Variants in LINGO2 observed in about 807,000 individuals in gnomAD.
LINGO2 encodes leucine rich repeat and Ig domain containing 2, also known as leucine-rich repeat and immunoglobulin-like domain-containing nogo receptor-interacting protein 2.
LINGO2 carries 14 observed loss-of-function variants against 30.6 expected under a neutral mutation model. The ratio of observed to expected loss-of-function variants is 0.46; its 90% CI spans 0.30 to 0.72. The LOEUF (loss-of-function observed/expected upper bound fraction) is 0.72. LINGO2 is among the 30% of genes least tolerant of loss of function. The probability of loss-of-function intolerance (pLI) is 0.07; values close to 1 mark genes in which losing one functional copy is unlikely to be tolerated. For synonymous variants in LINGO2, 317 were observed against 288.5 expected, an observed-to-expected ratio of 1.10 and a Z score of -1.00; for missense variants, 729 against 751.7, an observed-to-expected ratio of 0.97 and a Z score of 0.35.
At chr9:28,733,846 G>GA in the LINGO2 span, among the ~76,000 whole-genome samples, 130 of 148,536 alleles carry the variant, frequency 8.8e-4, no homozygotes, top group East Asian at 0.016. Context: ...CATTGGCCAA[G>GA]AAAAAAAAAA....
chr9:27,996,482 C>T (rs1217178095), intron 5 of LINGO2, among the ~76,000 whole-genome samples: 1 of 152,080 alleles, frequency 6.6e-6, no homozygotes, highest in Non-Finnish European at 1.5e-5. Context: ...TTTGCAGTAA[C>T]ATAGATGGAA....
intron 1 of LINGO2, among the ~76,000 whole-genome samples, chr9:28,645,049 T>C (rs1306697422): frequency 6.6e-6 from 1 of 152,092 alleles, no homozygotes; most frequent in Admixed American, 6.6e-5. Context: ...GAGTATCTGT[T>C]AGTTTGATAA....
At chr9:28,785,512 T>G in the LINGO2 span, among the ~76,000 whole-genome samples, 3 of 152,198 alleles carry the variant, frequency 2.0e-5, no homozygotes, top group African/African-American at 7.2e-5. Context: ...TTTTCTCCTC[T>G]CACTAGACTG....
At chr9:28,483,331 A>G (rs1447063406) in intron 1 of LINGO2, among the ~76,000 whole-genome samples, 2 of 152,042 alleles carry the variant, frequency 1.3e-5, no homozygotes, top group Admixed American at 6.6e-5. Context: ...GGATCAAACT[A>G]AATGAGTTCC....
intron 2 of LINGO2, among the ~76,000 whole-genome samples, chr9:28,418,079 C>G (rs1470242146): frequency 6.6e-6 from 1 of 152,056 alleles, no homozygotes; most frequent in African/African-American, 2.4e-5. Flanking sequence ...CAGTGGATAA[C>G]TACTATTTTT....
the LINGO2 span, among the ~76,000 whole-genome samples, chr9:29,119,357 G>A: frequency 1.5e-5 from 2 of 130,340 alleles, no homozygotes; most frequent in African/African-American, 2.9e-5. Context: ...ATGCATGCAC[G>A]TGTGCGCGCA....
chr9:29,142,518 A>T, the LINGO2 span, among the ~76,000 whole-genome samples: 1 of 151,896 alleles, frequency 6.6e-6, no homozygotes, highest in Non-Finnish European at 1.5e-5. Context: ...AAACTAATTC[A>T]GTTCAAAATT....
chr9:28,454,090 T>G (rs946767844), intron 2 of LINGO2, among the ~76,000 whole-genome samples: 2 of 151,964 alleles, frequency 1.3e-5, no homozygotes, highest in Admixed American at 1.3e-4. Flanking sequence ...TCACTGTAAA[T>G]AGAGAACAAC....
intron 4 of LINGO2, among the ~76,000 whole-genome samples, chr9:28,180,149 T>C (rs1828871599): frequency 6.6e-6 from 1 of 152,158 alleles, no homozygotes; most frequent in African/African-American, 2.4e-5. Flanking sequence ...ATAGCTTTCC[T>C]GTAAACCATA....
At chr9:28,661,867 G>T (rs1828597707) in intron 1 of LINGO2, among the ~76,000 whole-genome samples, 1 of 152,156 alleles carries the variant, frequency 6.6e-6, no homozygotes, top group Non-Finnish European at 1.5e-5. Context: ...TGGACCCACA[G>T]TATTCATGAG....
chr9:29,116,703 C>A, the LINGO2 span, among the ~76,000 whole-genome samples: 5 of 151,288 alleles, frequency 3.3e-5, no homozygotes, highest in Non-Finnish European at 5.9e-5. Context: ...GCAAAAACTT[C>A]AATGACAGTC....
At chr9:29,187,958 CT>C in the LINGO2 span, among the ~76,000 whole-genome samples, 1,596 of 90,206 alleles carry the variant, frequency 0.018, 35 homozygotes, top group African/African-American at 0.059. Flanking sequence ...CAACTATTTT[CT>C]TTTTTTTTTC....
At chr9:29,046,549 G>T in the LINGO2 span, among the ~76,000 whole-genome samples, 1 of 152,078 alleles carries the variant, frequency 6.6e-6, no homozygotes, top group Non-Finnish European at 1.5e-5. Context: ...ATATGCAGAA[G>T]ATTGAAGCTA....
chr9:28,271,234 T>C (rs1822929238), intron 4 of LINGO2, among the ~76,000 whole-genome samples: 1 of 152,130 alleles, frequency 6.6e-6, no homozygotes, highest in Admixed American at 6.5e-5. Context: ...TTGTTTCTAA[T>C]TTGTATAGGC....
chr9:28,645,105 C>G (rs960293755), intron 1 of LINGO2, among the ~76,000 whole-genome samples: 16 of 152,084 alleles, frequency 1.1e-4, no homozygotes, highest in African/African-American at 3.9e-4. Context: ...CAGCTATATT[C>G]TCTTATCCGA....
chr9:28,947,141 A>G, the LINGO2 span, among the ~76,000 whole-genome samples: 1 of 151,896 alleles, frequency 6.6e-6, no homozygotes, highest in Non-Finnish European at 1.5e-5. Context: ...ATATCTCTCT[A>G]TATATCTATA....
chr9:29,145,609 T>C, the LINGO2 span, among the ~76,000 whole-genome samples: 1 of 152,178 alleles, frequency 6.6e-6, no homozygotes, highest in Non-Finnish European at 1.5e-5. Context: ...TCAACCAAAA[T>C]ATATTCTCAT....
chr9:28,833,491 G>A, the LINGO2 span, among the ~76,000 whole-genome samples: 1 of 152,116 alleles, frequency 6.6e-6, no homozygotes, highest in Admixed American at 6.5e-5. Flanking sequence ...GATATGTAAT[G>A]GAACCTAAGT....
intron 4 of LINGO2, among the ~76,000 whole-genome samples, chr9:28,227,610 G>C (rs1039714682): frequency 1.1e-4 from 16 of 145,908 alleles, no homozygotes; most frequent in Non-Finnish European, 2.2e-4. Context: ...ACATACACAA[G>C]TAACACTTGA....
Sources: allele counts gnomAD v4.1 joint callset (sites outside exome capture counted in the v4.1 genomes callset), GRCh38; gene constraint gnomAD v4.1.1; transcripts MANE v1.5; gene names NCBI Gene and HGNC (gene_info 2026-07-23, HGNC 2026-07-21).